SLC26A5: variants seen among roughly 807,000 people sequenced by gnomAD.
SLC26A5 encodes prestin.
SLC26A5 carries 51 observed loss-of-function variants against 81.0 expected under a neutral mutation model. The observed-to-expected ratio is 0.63, with a 90% CI of 0.50 to 0.80. The LOEUF is 0.80. SLC26A5 is among the 30% of genes least tolerant of loss of function. SLC26A5 has a pLI of 0.00. For missense variants in SLC26A5, 771 were observed against 905.8 expected (o/e 0.85, Z 1.91); for synonymous variants, 325 against 332.8 (o/e 0.98, Z 0.25).
At chr7:103,362,074 A>G (rs1489312181) in intron 19 of SLC26A5, 1 of 1,612,846 alleles carries the variant, frequency 6.2e-7, no homozygotes, top group East Asian at 2.2e-5. Flanking sequence ...ACATTGAAGA[A>G]GGGATGAGAG....
At chr7:103,435,887 T>C (rs1347697260) in intron 2 of SLC26A5, among the ~76,000 whole-genome samples, 1 of 152,182 alleles carries the variant, frequency 6.6e-6, no homozygotes, top group African/African-American at 2.4e-5. Context: ...AGTTTTAGGA[T>C]AGAGAGTAAG....
intron 17 of SLC26A5, 84 bp from the exon 18 acceptor site, chr7:103,377,883 C>T (rs910788350): frequency 1.5e-6 from 2 of 1,318,052 alleles, no homozygotes; most frequent in Non-Finnish European, 2.2e-6. Flanking sequence ...GGAAAATCTG[C>T]TCTTGTGTTC....
At chr7:103,357,134 T>A (rs1820080627) in intron 19 of SLC26A5, among the ~76,000 whole-genome samples, 1 of 152,094 alleles carries the variant, frequency 6.6e-6, no homozygotes, top group Non-Finnish European at 1.5e-5. Flanking sequence ...AAGACCAGCC[T>A]GGTCAACATA....
At chr7:103,408,055 A>G (rs750713395) in intron 7 of SLC26A5, 52 bp from the exon 8 acceptor site, 24 of 1,604,850 alleles carry the variant, frequency 1.5e-5, no homozygotes, top group Non-Finnish European at 2.0e-5. Context: ...CCCCTGAGAG[A>G]GACAGAGACA....
intron 19 of SLC26A5, among the ~76,000 whole-genome samples, chr7:103,361,233 C>T (rs1202507619): frequency 6.6e-6 from 1 of 151,854 alleles, no homozygotes; most frequent in East Asian, 1.9e-4. Context: ...CCTGTAATCC[C>T]AGCACTTTGG....
chr7:103,356,288 TTC>T (rs1465469820), intron 19 of SLC26A5, among the ~76,000 whole-genome samples: 3 of 152,178 alleles, frequency 2.0e-5, no homozygotes, highest in Admixed American at 2.0e-4. Flanking sequence ...CTGTAACAAT[TTC>T]TGTTACTATA....
chr7:103,383,879 C>T (rs1821984416), intron 14 of SLC26A5, among the ~76,000 whole-genome samples: 1 of 152,084 alleles, frequency 6.6e-6, no homozygotes, highest in South Asian at 2.1e-4. Context: ...CAATGTCTCA[C>T]AACTGTAATC....
At chr7:103,377,822 C>A (rs1821472149) in intron 17 of SLC26A5, 23 bp from the exon 18 acceptor site, 1 of 1,609,478 alleles carries the variant, frequency 6.2e-7, no homozygotes. Flanking sequence ...TTAAACCAAA[C>A]CAGAATTTTA....
At chr7:103,415,428 C>T (rs1380289307) in intron 4 of SLC26A5, among the ~76,000 whole-genome samples, 1 of 152,112 alleles carries the variant, frequency 6.6e-6, no homozygotes, top group Non-Finnish European at 1.5e-5. Flanking sequence ...CGCTCCCCCA[C>T]CCCCACTTCT....
At chr7:103,387,918 G>A (rs964315473) in intron 14 of SLC26A5, among the ~76,000 whole-genome samples, 8 of 152,068 alleles carry the variant, frequency 5.3e-5, no homozygotes, top group African/African-American at 1.9e-4. Flanking sequence ...TCCTGACTTT[G>A]TGATCCACCT....
intron 8 of SLC26A5, among the ~76,000 whole-genome samples, chr7:103,407,488 C>T (rs1196275306): frequency 1.3e-5 from 2 of 152,050 alleles, no homozygotes; most frequent in African/African-American, 4.8e-5. Context: ...GTTTGGGAAC[C>T]TTTGCTTTGT....
At chr7:103,441,034 A>G (rs532073261) in intron 2 of SLC26A5, among the ~76,000 whole-genome samples, 1 of 152,236 alleles carries the variant, frequency 6.6e-6, no homozygotes, top group Non-Finnish European at 1.5e-5. Flanking sequence ...ACATTTGTCA[A>G]CATGGAGCAG....
chr7:103,410,605 A>G, intron 6 of SLC26A5, 56 bp from the exon 7 acceptor site: 1 of 1,464,176 alleles, frequency 6.8e-7, no homozygotes, highest in East Asian at 2.4e-5. Context: ...TCAGGAAGTT[A>G]TGACCCACAG....
intron 8 of SLC26A5, among the ~76,000 whole-genome samples, chr7:103,404,826 C>A (rs1011087350): frequency 1.3e-5 from 2 of 152,138 alleles, no homozygotes; most frequent in South Asian, 4.1e-4. Flanking sequence ...ACCAGTCAAA[C>A]GTAGGTTTGG....
At chr7:103,369,863 G>A (rs142123141), downstream of SLC26A5, among the ~76,000 whole-genome samples, 95 of 152,238 alleles carry the variant, frequency 6.2e-4, no homozygotes, top group African/African-American at 2.1e-3. Context: ...AAAAAACTCC[G>A]TTTTCATGAT....
At chr7:103,411,206 G>A (rs761701340) in intron 6 of SLC26A5, among the ~76,000 whole-genome samples, 2 of 152,130 alleles carry the variant, frequency 1.3e-5, no homozygotes, top group Non-Finnish European at 2.9e-5. Flanking sequence ...AACTTGTCTT[G>A]CTTTTGGGAT....
chr7:103,363,522 G>T (rs11977133), intron 19 of SLC26A5: 11 of 1,214,564 alleles, frequency 9.1e-6, no homozygotes, highest in Non-Finnish European at 1.3e-5. Flanking sequence ...TTGTATATTA[G>T]ATGGCTTTTA....
rs536853178 is a variant in SLC26A5, at chr7:103,366,807, CT to C, written c.2041+10000del. Among the ~76,000 whole-genome samples the C allele has an allele frequency of 2.6e-4, 39 of 148,554 alleles. 1 individual carries two copies. Among genetic ancestry groups the C allele is most frequent in the Admixed American group, 2.1e-3 (31 of 14,852 alleles). On this transcript the variant is annotated intron_variant, in intron 19 of 19. Transcript: ENST00000339444. ...TACAGTATTAGCCATGAAATCTAGA[CT>C]TTTTTTTTTGTTTTAAGAAACAGTC... is the stretch of plus-strand genomic sequence containing the variant.
At chr7:103,386,086 C>T (rs1437866111) in intron 14 of SLC26A5, among the ~76,000 whole-genome samples, 2 of 151,828 alleles carry the variant, frequency 1.3e-5, no homozygotes, top group African/African-American at 4.8e-5. Flanking sequence ...CACCACCACA[C>T]CCAGCTATTT....
Sources: allele counts gnomAD v4.1 joint callset (sites outside exome capture counted in the v4.1 genomes callset), GRCh38; gene constraint gnomAD v4.1.1; transcripts MANE v1.5; gene names NCBI Gene and HGNC (gene_info 2026-07-23, HGNC 2026-07-21).